Variants in TASOR observed in about 807,000 individuals in gnomAD.
TASOR encodes protein TASOR.
A neutral mutation model predicts 178.6 loss-of-function variants in TASOR; 53 were observed. The observed-to-expected ratio is 0.30, with a 90% CI of 0.24 to 0.37. TASOR has a LOEUF of 0.37. Ranked by LOEUF, TASOR falls within the 10% of genes least tolerant of loss-of-function variation. The pLI, the probability that TASOR is intolerant of heterozygous loss-of-function variation, is 1.00. For missense variants in TASOR, 1,815 were observed against 1,971.4 expected, an observed-to-expected ratio of 0.92 and a Z score of 1.50; for synonymous variants, 713 against 696.2, an observed-to-expected ratio of 1.02 and a Z score of -0.38.
rs1167010145 is a variant in TASOR at position 56,621,507 on chromosome 3, C to G, written c.*1530G>C. 3 of 1,479,708 alleles carry G rather than the reference C, an allele frequency of 2.0e-6. No individual in the cohort carries two copies. In the African/African-American group the frequency reaches 4.2e-5, roughly 21 times the overall value. The allele number at this position is 1,479,708 out of a possible 1,614,324, so 91.7% of individuals were successfully genotyped here. A position where few individuals can be genotyped will look rare whatever the true frequency, so the allele number is the denominator to read the frequency against. On this transcript the variant is annotated 3_prime_UTR_variant, in exon 24 of 24. Coordinates refer to ENST00000683822, the MANE Select transcript of TASOR (RefSeq NM_001365635.2). ...AAGTCAGGTGTGCACATTTTACTAA[C>G]AAACATATATCAATGTGATTTCAGG...
chr3:56,675,661 C>T (rs1344100394), intron 1 of TASOR, among the ~76,000 whole-genome samples: 1 of 152,166 alleles, frequency 6.6e-6, no homozygotes, highest in Non-Finnish European at 1.5e-5. Flanking sequence ...GAGAGAACTA[C>T]TCATAGAAAC....
chr3:56,675,524 G>C (rs759324497), intron 1 of TASOR, among the ~76,000 whole-genome samples: 5 of 152,020 alleles, frequency 3.3e-5, no homozygotes, highest in Non-Finnish European at 5.9e-5. Flanking sequence ...ATTAGTTCTT[G>C]AGAATTACTG....
At chr3:56,650,232 A>G (rs953173925) in intron 11 of TASOR, among the ~76,000 whole-genome samples, 3 of 152,222 alleles carry the variant, frequency 2.0e-5, no homozygotes, top group Non-Finnish European at 4.4e-5. Flanking sequence ...ATTCCAGTAA[A>G]CAACGCCTGT....
In TASOR at chr3:56,641,476, G is replaced by A. The variant is rs17056999; in HGVS notation, c.2492C>T (p.Ala831Val). 2 of 1,613,448 alleles carry A rather than the reference G, an allele frequency of 1.2e-6. No homozygotes were observed. The highest frequency in any genetic ancestry group is 2.2e-5 in the South Asian group (2 of 91,076). ...CTTAAACTGTGCATTTTCAACTTTT[G>A]CACAAGTAGGCTGCTCATAGTCTTT... ...DKKDYEQPTC[A>V]KVENAQFKGT... The change falls in exon 15 of 24, where the codon GCA (alanine) becomes GTA (valine). Residue 831 changes from alanine (A) to valine (V), a missense_variant. By Grantham distance (64) the Ala-to-Val change is moderately conservative. This residue lies in a region of TASOR where 655 missense variants were observed against 671.1 expected (regional missense o/e 0.98). Coordinates refer to ENST00000683822, the MANE Select transcript of TASOR (RefSeq NM_001365635.2).
chr3:56,641,517 G>C lies in TASOR; in HGVS notation c.2451C>G (p.Asn817Lys), dbSNP rs1418706330. 1 of 1,614,126 alleles carries C rather than the reference G, an allele frequency of 6.2e-7. No individual in the cohort carries two copies. The highest frequency in any genetic ancestry group is 8.5e-7 in the Non-Finnish European group (1 of 1,179,964). The change falls in exon 15 of 24, where the codon AAC (asparagine) becomes AAG (lysine). Residue 817 changes from asparagine to lysine, a missense_variant. Around this residue, in one of 5 missense-constraint regions of TASOR, gnomAD observed 655 missense variants for 671.1 expected, o/e 0.98. Transcript: ENST00000683822. ...ELRQKHEYEL[N>K]STPDKKDYEQ... The stretch of plus-strand genomic sequence containing the variant: ...CATAGTCTTTCTTATCTGGGGTAGA[G>C]TTCAACTCATACTCATGTTTTTGCC...
At chr3:56,667,013 C>T (rs748646689) in intron 6 of TASOR, among the ~76,000 whole-genome samples, 1 of 152,176 alleles carries the variant, frequency 6.6e-6, no homozygotes, top group African/African-American at 2.4e-5. Context: ...AAAGTCCATT[C>T]CCCTGGGAAA....
intron 19 of TASOR, 133 bp from the exon 20 acceptor site, chr3:56,627,874 G>T: frequency 4.2e-6 from 3 of 720,954 alleles, no homozygotes; most frequent in Non-Finnish European, 6.7e-6. Context: ...CCTCTGGAAA[G>T]CCACACAAAT....
At chr3:56,624,157 C>G (rs910029713) in intron 23 of TASOR, among the ~76,000 whole-genome samples, 1 of 152,088 alleles carries the variant, frequency 6.6e-6, no homozygotes, top group Non-Finnish European at 1.5e-5. Context: ...ATTAATATAA[C>G]CCCTTTGCTG....
rs1221982014 is a variant in TASOR, at chr3:56,668,683, TCA to T, written c.736-127_736-126del. The T allele has an allele frequency of 1.2e-5, 9 of 752,970 alleles. No individual in the cohort carries two copies. The African/African-American group carries it at 1.6e-4, about 14-fold the overall frequency. The allele number at this position is 752,970 out of a possible 1,614,324, so 46.6% of individuals were successfully genotyped here. A position where few individuals can be genotyped will look rare whatever the true frequency, so the allele number is the denominator to read the frequency against. On this transcript the variant is annotated intron_variant, in intron 5 of 23. Coordinates refer to ENST00000683822, the MANE Select transcript of TASOR (RefSeq NM_001365635.2). ...CCAACCATTTTTTCCCTTTAATATC[TCA>T]CAGAACAGCTGGGCGCGGTGACTCA... is the stretch of plus-strand genomic sequence containing the variant.
chr3:56,663,910 T>TTAATTCATCA, intron 7 of TASOR: 1 of 957,962 alleles, frequency 1.0e-6, no homozygotes, highest in Non-Finnish European at 1.2e-6. Flanking sequence ...TATAAATATA[T>TTAATTCATCA]TAATTCATCA....
At chr3:56,656,987 G>A (rs2077484557) in intron 11 of TASOR, among the ~76,000 whole-genome samples, 1 of 149,260 alleles carries the variant, frequency 6.7e-6, no homozygotes, top group Non-Finnish European at 1.5e-5. Flanking sequence ...TCCAACCTGG[G>A]CAACAAGAGC....
intron 1 of TASOR, among the ~76,000 whole-genome samples, chr3:56,681,087 T>TTAA (rs1218918146): frequency 6.8e-5 from 8 of 117,882 alleles, no homozygotes; most frequent in Middle Eastern, 8.6e-3. Context: ...TAACAAACAG[T>TTAA]AAAAAAAAAA....
intron 13 of TASOR, 92 bp from the exon 14 acceptor site, chr3:56,647,315 AAAAC>A: frequency 2.9e-6 from 3 of 1,030,668 alleles, no homozygotes; most frequent in African/African-American, 1.6e-5. Flanking sequence ...AAGAAGTATA[AAAAC>A]ATTTATACAT....
At chr3:56,677,228 A>G (rs560328905) in intron 1 of TASOR, among the ~76,000 whole-genome samples, 1 of 152,292 alleles carries the variant, frequency 6.6e-6, no homozygotes, top group African/African-American at 2.4e-5. Flanking sequence ...AAAAATCTCA[A>G]TTATGGGTCA....
chr3:56,623,757 T>C (rs1398260618), intron 23 of TASOR, 191 bp from the exon 24 acceptor site: 1 of 1,549,886 alleles, frequency 6.5e-7, no homozygotes, highest in South Asian at 1.2e-5. Context: ...GATAATCCGA[T>C]GCTAAAAGCT....
At chr3:56,675,925 AG>A (rs1371486052) in intron 1 of TASOR, among the ~76,000 whole-genome samples, 1 of 152,250 alleles carries the variant, frequency 6.6e-6, no homozygotes, top group East Asian at 1.9e-4. Context: ...GTAAAAACGT[AG>A]TTTTCAATGG....
intron 18 of TASOR, 100 bp downstream of exon 18, chr3:56,632,944 T>C: frequency 9.7e-7 from 1 of 1,030,876 alleles, no homozygotes; most frequent in South Asian, 1.8e-5. Flanking sequence ...GCCTAACATT[T>C]AAACACAAAA....
intron 1 of TASOR, among the ~76,000 whole-genome samples, chr3:56,681,286 TATA>T (rs2031764258): frequency 6.6e-6 from 1 of 152,200 alleles, no homozygotes; most frequent in Non-Finnish European, 1.5e-5. Context: ...TCATACAGAC[TATA>T]ATCATACATC....
chr3:56,652,744 G>T (rs986539270), intron 11 of TASOR, among the ~76,000 whole-genome samples: 6 of 152,050 alleles, frequency 3.9e-5, no homozygotes, highest in African/African-American at 1.4e-4. Flanking sequence ...TAACCAGGCA[G>T]ATCCAAAAAA....
Sources: gnomAD v4.1 joint callset for allele counts (sites outside exome capture counted in the v4.1 genomes callset) on GRCh38, gnomAD v4.1.1 for gene constraint, gnomAD v4.1.1 regional missense constraint, MANE v1.5 for transcripts, NCBI Gene and HGNC (gene_info 2026-07-23, HGNC 2026-07-21) for gene names.